The following GALNT13 variants were observed in gnomAD, a reference collection of about 807,000 sequenced individuals.
The protein encoded by GALNT13 is polypeptide N-acetylgalactosaminyltransferase 13.
GALNT13 carries 28 observed loss-of-function variants against 64.2 expected under a neutral mutation model. That is an observed-to-expected ratio of 0.44 (90% CI 0.32 to 0.60). The LOEUF is 0.60. GALNT13 is among the 20% of genes least tolerant of loss of function. GALNT13 has a pLI of 0.05. For missense variants in GALNT13, 577 were observed against 669.8 expected (o/e 0.86, Z 1.53); for synonymous variants, 214 against 224.6 (o/e 0.95, Z 0.42).
chr2:154,439,808 T>C (rs955988802), intron 12 of GALNT13, among the ~76,000 whole-genome samples: 10 of 152,140 alleles, frequency 6.6e-5, no homozygotes, highest in Non-Finnish European at 1.2e-4. Flanking sequence ...ACTCATACAG[T>C]GTTACCAGGA....
At chr2:154,412,645 AG>A (rs1228396183) in intron 11 of GALNT13, among the ~76,000 whole-genome samples, 2 of 151,778 alleles carry the variant, frequency 1.3e-5, no homozygotes, top group African/African-American at 2.4e-5. Flanking sequence ...TGGAAACATC[AG>A]GAAGAAACTT....
intron 3 of GALNT13, among the ~76,000 whole-genome samples, chr2:154,078,030 T>G (rs940545900): frequency 2.0e-5 from 3 of 151,626 alleles, no homozygotes; most frequent in South Asian, 4.1e-4. Context: ...GAAAAATGAG[T>G]AATGTTTGCC....
the GALNT13 span, among the ~76,000 whole-genome samples, chr2:153,569,029 G>T: frequency 6.6e-6 from 1 of 152,054 alleles, no homozygotes; most frequent in African/African-American, 2.4e-5. Flanking sequence ...CATCTGGGTG[G>T]TTTCAGATTC....
chr2:153,193,385 G>A, the GALNT13 span, among the ~76,000 whole-genome samples: 7 of 142,852 alleles, frequency 4.9e-5, no homozygotes, highest in East Asian at 4.2e-4. Flanking sequence ...TCATAGGTGG[G>A]AATTGAACAA....
the GALNT13 span, among the ~76,000 whole-genome samples, chr2:153,747,931 G>A: frequency 6.6e-6 from 1 of 152,082 alleles, no homozygotes; most frequent in Non-Finnish European, 1.5e-5. Context: ...TAGACACTTA[G>A]ATTGCTTCCA....
At chr2:153,929,713 G>A (rs1690381702) in intron 2 of GALNT13, among the ~76,000 whole-genome samples, 1 of 152,148 alleles carries the variant, frequency 6.6e-6, no homozygotes, top group Non-Finnish European at 1.5e-5. Context: ...ATTCCATGGT[G>A]TGTATTTAGC....
At chr2:154,290,416 C>T (rs1692536656) in intron 8 of GALNT13, among the ~76,000 whole-genome samples, 2 of 152,344 alleles carry the variant, frequency 1.3e-5, no homozygotes, top group East Asian at 1.9e-4. Flanking sequence ...TTACATCTCT[C>T]TTGCCGGGGT....
intron 9 of GALNT13, among the ~76,000 whole-genome samples, chr2:154,393,408 G>T (rs1305025923): frequency 6.6e-6 from 1 of 152,070 alleles, no homozygotes; most frequent in Non-Finnish European, 1.5e-5. Context: ...CAGTTTGTTG[G>T]CCAGGACCAG....
At chr2:154,061,267 T>G (rs576152081) in intron 3 of GALNT13, among the ~76,000 whole-genome samples, 1 of 152,228 alleles carries the variant, frequency 6.6e-6, no homozygotes, top group Non-Finnish European at 1.5e-5. Context: ...TTGGGCTGAG[T>G]CCTTGACTGC....
At chr2:154,109,280 G>T (rs554682481) in intron 3 of GALNT13, among the ~76,000 whole-genome samples, 1 of 151,876 alleles carries the variant, frequency 6.6e-6, no homozygotes, top group South Asian at 2.1e-4. Flanking sequence ...TTCTTTTTTA[G>T]ATAGTTTGTT....
chr2:153,987,599 C>A (rs1167343562), intron 3 of GALNT13, among the ~76,000 whole-genome samples: 2 of 151,686 alleles, frequency 1.3e-5, no homozygotes, highest in Admixed American at 6.6e-5. Flanking sequence ...TATGAAAGAG[C>A]AAGAAGCTAG....
At chr2:154,283,820 A>G (rs963910848) in intron 8 of GALNT13, among the ~76,000 whole-genome samples, 7 of 152,166 alleles carry the variant, frequency 4.6e-5, no homozygotes, top group Non-Finnish European at 7.3e-5. Flanking sequence ...CAATGGGGTG[A>G]TATAGAGGTA....
At chr2:153,126,674 A>G in the GALNT13 span, among the ~76,000 whole-genome samples, 8 of 152,086 alleles carry the variant, frequency 5.3e-5, no homozygotes, top group African/African-American at 1.9e-4. Flanking sequence ...ACCAGGATTT[A>G]TTTGTCAGGC....
intron 2 of GALNT13, among the ~76,000 whole-genome samples, chr2:153,913,541 T>G (rs555828625): frequency 6.6e-6 from 1 of 152,174 alleles, no homozygotes; most frequent in South Asian, 2.1e-4. Flanking sequence ...CCAAATCCTC[T>G]GGGCTCTGCA....
At chr2:153,936,814 G>A (rs191286369) in intron 2 of GALNT13, among the ~76,000 whole-genome samples, 4 of 151,506 alleles carry the variant, frequency 2.6e-5, no homozygotes, top group Non-Finnish European at 4.4e-5. Flanking sequence ...TCCACCTCCC[G>A]GGTTCAAGTG....
At chr2:153,500,681 A>G in the GALNT13 span, among the ~76,000 whole-genome samples, 2 of 152,172 alleles carry the variant, frequency 1.3e-5, no homozygotes, top group Non-Finnish European at 2.9e-5. Context: ...GCATCTGTCA[A>G]AGTCCTATAG....
the GALNT13 span, among the ~76,000 whole-genome samples, chr2:153,778,912 G>A: frequency 6.6e-6 from 1 of 152,136 alleles, no homozygotes; most frequent in Non-Finnish European, 1.5e-5. Flanking sequence ...AAGTGAGAAG[G>A]TAGAAAAGCA....
intron 4 of GALNT13, among the ~76,000 whole-genome samples, chr2:154,180,398 T>G (rs1399508409): frequency 6.6e-6 from 1 of 152,024 alleles, no homozygotes; most frequent in Non-Finnish European, 1.5e-5. Flanking sequence ...TATGGATCTT[T>G]TTGTCAGGCA....
chr2:154,236,217 A>G (rs1689183985), intron 4 of GALNT13: 1 of 971,494 alleles, frequency 1.0e-6, no homozygotes, highest in Non-Finnish European at 1.3e-6. Flanking sequence ...AAACACACAA[A>G]GAGATGTTAA....
Sources: gnomAD v4.1 joint callset for allele counts (sites outside exome capture counted in the v4.1 genomes callset) on GRCh38, gnomAD v4.1.1 for gene constraint, MANE v1.5 for transcripts, NCBI Gene and HGNC (gene_info 2026-07-23, HGNC 2026-07-21) for gene names.